LEF1: variants seen among roughly 807,000 people sequenced by gnomAD.
LEF1 encodes the protein lymphoid enhancer binding factor 1.
Under a neutral mutation model 51.2 loss-of-function variants are expected in LEF1, and 14 were observed. The observed-to-expected ratio is 0.27, with a 90% CI of 0.18 to 0.43. The LOEUF (loss-of-function observed/expected upper bound fraction) is 0.43. LEF1 is among the 20% of genes least tolerant of loss of function. The pLI, the probability that LEF1 is intolerant of heterozygous loss-of-function variation, is 1.00. For synonymous variants in LEF1, 185 were observed against 183.2 expected (o/e 1.01, Z -0.08); for missense variants, 386 against 512.0 (o/e 0.75, Z 2.37).
chr4:108,086,370 G>C (rs774445970), intron 4 of LEF1, among the ~76,000 whole-genome samples: 2 of 152,170 alleles, frequency 1.3e-5, no homozygotes, highest in Non-Finnish European at 2.9e-5. Flanking sequence ...TTACAGGCAT[G>C]AACCACATTG....
chr4:108,163,815 T>C, intron 2 of LEF1, 114 bp from the exon 3 acceptor site: 1 of 1,105,220 alleles, frequency 9.0e-7, no homozygotes, highest in Non-Finnish European at 1.3e-6. Flanking sequence ...ATAAAAGATT[T>C]GTTTACAAAA....
chr4:108,078,094 C>T, intron 8 of LEF1, 126 bp downstream of exon 8: 2 of 859,494 alleles, frequency 2.3e-6, no homozygotes, highest in South Asian at 3.3e-5. Flanking sequence ...CTTTAAAATG[C>T]ATCATATCAT....
At chr4:108,116,373 T>G (rs1741843555) in intron 3 of LEF1, among the ~76,000 whole-genome samples, 1 of 152,108 alleles carries the variant, frequency 6.6e-6, no homozygotes, top group South Asian at 2.1e-4. Flanking sequence ...AATAGAAAAG[T>G]TAGCTGGGCG....
At chr4:108,165,341 A>G (rs1275766205) in intron 1 of LEF1, 178 bp from the exon 2 acceptor site, 3 of 536,574 alleles carry the variant, frequency 5.6e-6, no homozygotes, top group Admixed American at 3.4e-5. Context: ...TCTTGTCAAC[A>G]TGTATTTTTG....
intron 3 of LEF1, among the ~76,000 whole-genome samples, chr4:108,114,052 A>T (rs1175080043): frequency 6.6e-6 from 1 of 152,180 alleles, no homozygotes; most frequent in Non-Finnish European, 1.5e-5. Flanking sequence ...TTACTCAAAA[A>T]TTTTGAGCTA....
At chr4:108,130,564 C>CAAA (rs113815125) in intron 3 of LEF1, among the ~76,000 whole-genome samples, 1 of 98,812 alleles carries the variant, frequency 1.0e-5, no homozygotes. Context: ...ACTAAAAATA[C>CAAA]AAAAAAAAAA....
At chr4:108,089,723 A>G (rs1196164947) in intron 3 of LEF1, among the ~76,000 whole-genome samples, 1 of 152,256 alleles carries the variant, frequency 6.6e-6, no homozygotes, top group Non-Finnish European at 1.5e-5. Flanking sequence ...TTGCCAATTC[A>G]AAGGATAAAT....
rs1741289978 is a variant in LEF1, at chr4:108,108,128, C to CA, written c.415-18872_415-18871insT. On this transcript the variant is annotated intron_variant, in intron 3 of 11. Coordinates refer to ENST00000265165, the MANE Select transcript of LEF1 (RefSeq NM_016269.5). ...TGAGACCCAACCATCTATTCAATCA[C>CA]TCTGGAAAGTGTATAGTTACAAAGG... Among the ~76,000 whole-genome samples, 17 of 152,326 alleles carry CA rather than the reference C, an allele frequency of 1.1e-4. No individual in the cohort carries two copies. In the South Asian group the frequency reaches 3.3e-3, roughly 30 times the overall value.
intron 8 of LEF1, among the ~76,000 whole-genome samples, chr4:108,071,185 T>C (rs1166458587): frequency 1.3e-5 from 2 of 152,248 alleles, no homozygotes; most frequent in Admixed American, 6.5e-5. Context: ...AACGTGATAA[T>C]TTCCAGATGT....
At chr4:108,062,994 G>GA (rs1737800242) in intron 11 of LEF1, among the ~76,000 whole-genome samples, 1 of 151,914 alleles carries the variant, frequency 6.6e-6, no homozygotes, top group Non-Finnish European at 1.5e-5. Context: ...ATAGTAAAAA[G>GA]AAATAAAATA....
At chr4:108,153,496 G>C (rs1280794618) in intron 3 of LEF1, among the ~76,000 whole-genome samples, 2 of 152,170 alleles carry the variant, frequency 1.3e-5, no homozygotes, top group African/African-American at 4.8e-5. Context: ...TTATTGACTT[G>C]AAGAGGCATG....
intron 3 of LEF1, among the ~76,000 whole-genome samples, chr4:108,119,405 T>C (rs1342149535): frequency 6.6e-6 from 1 of 152,048 alleles, no homozygotes; most frequent in Non-Finnish European, 1.5e-5. Context: ...AAATTTTCAT[T>C]CAAGAAATTT....
rs558795007 is a variant in LEF1, at chr4:108,109,064, G to A, written c.415-19807C>T. Among the ~76,000 whole-genome samples the A allele has an allele frequency of 5.2e-4, 79 of 152,314 alleles. 1 individual carries two copies. Among genetic ancestry groups the A allele is most frequent in the African/African-American group, 1.8e-3 (75 of 41,574 alleles). The stretch of plus-strand genomic sequence containing the variant: ...CTAGGGATGTAGTTTTGATAACAAA[G>A]GAGCTTGGCAGACAAAGGGTAATTT... On this transcript the variant is annotated intron_variant, in intron 3 of 11. Coordinates refer to ENST00000265165, the MANE Select transcript of LEF1 (RefSeq NM_016269.5).
At chr4:108,156,145 G>GA (rs1246259346) in intron 3 of LEF1, among the ~76,000 whole-genome samples, 4 of 152,104 alleles carry the variant, frequency 2.6e-5, no homozygotes, top group Admixed American at 1.3e-4. Context: ...GAATCCTTCT[G>GA]AAAAAAGCAG....
At chr4:108,075,397 T>G (rs189982422) in intron 8 of LEF1, 1 of 152,180 alleles carries the variant, frequency 6.6e-6, no homozygotes, top group Non-Finnish European at 1.5e-5. Context: ...TCATCGACAA[T>G]AGCTAACACA....
At chr4:108,165,011 G>A in intron 2 of LEF1, 86 bp downstream of exon 2, 1 of 1,182,630 alleles carries the variant, frequency 8.5e-7, no homozygotes, top group Non-Finnish European at 1.3e-6. Flanking sequence ...CCAGTTTCTT[G>A]AACTCAAAAG....
chr4:108,064,420 T>A (rs1489818826), intron 9 of LEF1, 36 bp from the exon 10 acceptor site: 2 of 1,514,710 alleles, frequency 1.3e-6, no homozygotes, highest in Non-Finnish European at 1.8e-6. Flanking sequence ...TGTCACAGAT[T>A]GTACCATGAA....
intron 3 of LEF1, among the ~76,000 whole-genome samples, chr4:108,135,999 T>C (rs1743241423): frequency 6.6e-6 from 1 of 151,986 alleles, no homozygotes; most frequent in Admixed American, 6.6e-5. Context: ...CACAAACAGG[T>C]TGAATGAGCA....
At chr4:108,133,997 A>G (rs552518094) in intron 3 of LEF1, among the ~76,000 whole-genome samples, 14 of 152,298 alleles carry the variant, frequency 9.2e-5, no homozygotes, top group Admixed American at 5.9e-4. Flanking sequence ...GATAGGGCAC[A>G]CATACTGTGT....
Sources: gnomAD v4.1 joint callset for allele counts (sites outside exome capture counted in the v4.1 genomes callset) on GRCh38, gnomAD v4.1.1 for gene constraint, MANE v1.5 for transcripts, NCBI Gene and HGNC (gene_info 2026-07-23, HGNC 2026-07-21) for gene names.